Variants in AKAP6 observed in about 807,000 individuals in gnomAD.
The protein encoded by AKAP6 is A-kinase anchoring protein 6.
A neutral mutation model predicts 188.5 loss-of-function variants in AKAP6; 58 were observed. The ratio of observed to expected loss-of-function variants is 0.31; its 90% CI spans 0.25 to 0.38. AKAP6 has a LOEUF of 0.38. Ranked by LOEUF, AKAP6 falls within the 10% of genes least tolerant of loss-of-function variation. The pLI is 1.00. For synonymous variants in AKAP6, 989 were observed against 998.6 expected (o/e 0.99, Z 0.18); for missense variants, 2,710 against 2,740.0 (o/e 0.99, Z 0.24).
intron 12 of AKAP6, among the ~76,000 whole-genome samples, chr14:32,803,789 G>A (rs1311175798): frequency 6.6e-6 from 1 of 152,136 alleles, no homozygotes; most frequent in Non-Finnish European, 1.5e-5. Flanking sequence ...CTCTACTGAG[G>A]TTTCCTAAAG....
intron 11 of AKAP6, among the ~76,000 whole-genome samples, chr14:32,752,530 A>G (rs1290885579): frequency 2.0e-5 from 3 of 152,230 alleles, no homozygotes; most frequent in Admixed American, 6.5e-5. Flanking sequence ...GAACATATTT[A>G]CAGTGTACAT....
chr14:32,485,172 A>G (rs1249103072), intron 2 of AKAP6, among the ~76,000 whole-genome samples: 1 of 103,148 alleles, frequency 9.7e-6, no homozygotes, highest in Non-Finnish European at 1.8e-5. Flanking sequence ...ATAATATTCC[A>G]TGATGTATAT....
intron 11 of AKAP6, among the ~76,000 whole-genome samples, chr14:32,755,260 T>C (rs1200659543): frequency 6.6e-6 from 1 of 152,060 alleles, no homozygotes; most frequent in Non-Finnish European, 1.5e-5. Context: ...TGTGGTTTTT[T>C]TTCTTCTTCT....
intron 7 of AKAP6, among the ~76,000 whole-genome samples, chr14:32,638,249 T>G (rs1481153388): frequency 4.6e-5 from 7 of 151,884 alleles, no homozygotes; most frequent in African/African-American, 1.7e-4. Context: ...TCTCTTTGAG[T>G]ACTGATGAAG....
chr14:32,423,760 C>T (rs991458997), intron 1 of AKAP6, among the ~76,000 whole-genome samples: 11 of 151,868 alleles, frequency 7.2e-5, no homozygotes, highest in African/African-American at 2.7e-4. Context: ...AACGTTTTAA[C>T]TAATATTTAT....
In AKAP6 at chr14:32,773,709, G is replaced by A. The variant is rs373292094; in HGVS notation, c.3404G>A (p.Arg1135Gln). The change falls in exon 12 of 14, where the codon CGA (arginine) becomes CAA (glutamine). Residue 1135 changes from arginine to glutamine, a missense_variant. Arg to Gln is a conservative substitution (Grantham distance 43). Coordinates refer to ENST00000280979, the MANE Select transcript of AKAP6 (RefSeq NM_004274.5). ...TGTCGTGAAATCAAGCAACGACGTCGAGGAGTTGCCTCCATTCTGCGACTA... is the reference window on the plus strand; with the variant it reads ...TGTCGTGAAATCAAGCAACGACGTCAAGGAGTTGCCTCCATTCTGCGACTA... ...SLCREIKQRRRGVASILRLCQ... is the reference protein window; with the variant it reads ...SLCREIKQRRQGVASILRLCQ... The A allele has an allele frequency of 1.2e-6, 2 of 1,613,932 alleles. No individual in the cohort carries two copies. The highest frequency in any genetic ancestry group is 2.7e-5 in the African/African-American group (2 of 74,896).
chr14:32,813,273 C>G (rs2034285970), intron 12 of AKAP6, among the ~76,000 whole-genome samples: 1 of 152,068 alleles, frequency 6.6e-6, no homozygotes, highest in African/African-American at 2.4e-5. Context: ...GCGGGCAAAG[C>G]TTCCACATTT....
At chr14:32,807,471 A>G (rs1313270465) in intron 12 of AKAP6, among the ~76,000 whole-genome samples, 1 of 152,202 alleles carries the variant, frequency 6.6e-6, no homozygotes, top group Non-Finnish European at 1.5e-5. Flanking sequence ...GAGGGAAGAA[A>G]ACCAAAGGAT....
chr14:32,506,529 T>A (rs1031345653), intron 2 of AKAP6, among the ~76,000 whole-genome samples: 1 of 152,146 alleles, frequency 6.6e-6, no homozygotes, highest in Non-Finnish European at 1.5e-5. Flanking sequence ...AGTTTCTACA[T>A]CACGACAGAA....
chr14:32,608,885 A>T (rs949718098), intron 7 of AKAP6, among the ~76,000 whole-genome samples: 2 of 152,230 alleles, frequency 1.3e-5, no homozygotes, highest in African/African-American at 4.8e-5. Flanking sequence ...CAAACATTTT[A>T]AAAATCTATT....
chr14:32,443,703 T>C (rs1021561762), intron 2 of AKAP6, among the ~76,000 whole-genome samples: 9 of 152,210 alleles, frequency 5.9e-5, no homozygotes, highest in Non-Finnish European at 1.2e-4. Context: ...CATGATTTGT[T>C]TGAACTTCTT....
At chr14:32,765,983 C>G (rs1313692314) in intron 11 of AKAP6, among the ~76,000 whole-genome samples, 1 of 152,166 alleles carries the variant, frequency 6.6e-6, no homozygotes, top group Non-Finnish European at 1.5e-5. Context: ...TTTCACCACT[C>G]TTAAAAGAAA....
In AKAP6 at chr14:32,821,713, C is replaced by T. The variant is rs774063259; in HGVS notation, c.3900C>T (p.Asn1300=). ...ACAATGTTGAACTCTATGAGGACAA[C>T]CACATGCCATTTCTGAAAAACAATC... ...SLHNVELYED[N]HMPFLKNNPK... is the part of the protein sequence containing the mutation. Residue 1300 remains asparagine, a synonymous_variant, in exon 13 of 14, where the codon AAC becomes AAT. Transcript: ENST00000280979. 1.1e-5 allele frequency: 17 copies of T among 1,613,774 alleles called. No individual in the cohort carries two copies. Among genetic ancestry groups the T allele is most frequent in the Non-Finnish European group, 1.4e-5 (17 of 1,179,908 alleles).
At chr14:32,452,176 C>A in intron 2 of AKAP6, among the ~76,000 whole-genome samples, 1 of 151,860 alleles carries the variant, frequency 6.6e-6, no homozygotes, top group East Asian at 1.9e-4. Flanking sequence ...CACCACCACA[C>A]CCAGGTCACC....
At chr14:32,434,089 TA>T (rs1890306089) in intron 2 of AKAP6, 1 of 375,852 alleles carries the variant, frequency 2.7e-6, no homozygotes, top group Non-Finnish European at 4.9e-6. Flanking sequence ...GTTATCAAAA[TA>T]AGTTACACAG....
intron 8 of AKAP6, among the ~76,000 whole-genome samples, chr14:32,694,903 C>T (rs968874610): frequency 2.0e-5 from 3 of 152,112 alleles, no homozygotes; most frequent in African/African-American, 7.2e-5. Context: ...GAGGCTGCTG[C>T]CTCATTAGTA....
intron 1 of AKAP6, among the ~76,000 whole-genome samples, chr14:32,412,759 T>C (rs1032408803): frequency 1.3e-5 from 2 of 152,172 alleles, no homozygotes; most frequent in Non-Finnish European, 2.9e-5. Context: ...AATCAGCATA[T>C]GCAATGTGCC....
chr14:32,412,018 T>C (rs1028808326), intron 1 of AKAP6, among the ~76,000 whole-genome samples: 2 of 152,136 alleles, frequency 1.3e-5, no homozygotes, highest in African/African-American at 4.8e-5. Context: ...GGATCTTGGT[T>C]TTTGTGAGGC....
intron 11 of AKAP6, among the ~76,000 whole-genome samples, chr14:32,757,292 G>A (rs1396548436): frequency 1.3e-5 from 2 of 152,286 alleles, no homozygotes; most frequent in Middle Eastern, 3.4e-3. Context: ...TAGGGGATGA[G>A]CACTGGAAAG....
Sources: allele counts gnomAD v4.1 joint callset (sites outside exome capture counted in the v4.1 genomes callset), GRCh38; gene constraint gnomAD v4.1.1; transcripts MANE v1.5; gene names NCBI Gene and HGNC (gene_info 2026-07-23, HGNC 2026-07-21).